The following PAN3 variants were observed in gnomAD, a reference collection of about 807,000 sequenced individuals.
PAN3 encodes the protein PAN2-PAN3 deadenylation complex subunit PAN3.
A neutral mutation model predicts 96.2 loss-of-function variants in PAN3; 19 were observed. The observed-to-expected ratio is 0.20, with a 90% CI of 0.14 to 0.29. PAN3 has a LOEUF of 0.29. Ranked by LOEUF, PAN3 falls within the 10% of genes least tolerant of loss-of-function variation. PAN3 has a pLI of 1.00. For synonymous variants in PAN3, 433 were observed against 406.6 expected, an observed-to-expected ratio of 1.06 and a Z score of -0.78; for missense variants, 882 against 1,108.1, an observed-to-expected ratio of 0.80 and a Z score of 2.90.
chr13:28,257,425 A>G (rs1885230746), intron 7 of PAN3, among the ~76,000 whole-genome samples: 1 of 151,692 alleles, frequency 6.6e-6, no homozygotes, highest in Non-Finnish European at 1.5e-5. Flanking sequence ...GTCAGAGTCC[A>G]CTAAAACAGG....
chr13:28,265,527 C>T (rs1355332277), intron 9 of PAN3, among the ~76,000 whole-genome samples: 1 of 152,108 alleles, frequency 6.6e-6, no homozygotes, highest in African/African-American at 2.4e-5. Flanking sequence ...TCCTTATTAT[C>T]CTCATTTATG....
At chr13:28,276,058 A>C (rs1887030484) in intron 14 of PAN3, among the ~76,000 whole-genome samples, 1 of 152,156 alleles carries the variant, frequency 6.6e-6, no homozygotes, top group Non-Finnish European at 1.5e-5. Flanking sequence ...TAAAGTTACA[A>C]ATATTCCAAC....
chr13:28,152,068 G>C (rs570109265), intron 1 of PAN3, among the ~76,000 whole-genome samples: 2 of 152,058 alleles, frequency 1.3e-5, no homozygotes, highest in Non-Finnish European at 2.9e-5. Flanking sequence ...CTTTTTCTTA[G>C]GAGAAAGAAA....
chr13:28,227,017 T>C (rs1009362350), intron 6 of PAN3, among the ~76,000 whole-genome samples: 2 of 152,198 alleles, frequency 1.3e-5, no homozygotes, highest in East Asian at 3.8e-4. Context: ...AATTGCCCTG[T>C]AATGAGGAGC....
intron 5 of PAN3, among the ~76,000 whole-genome samples, chr13:28,209,725 C>T (rs1305550205): frequency 3.3e-5 from 5 of 152,028 alleles, no homozygotes; most frequent in Non-Finnish European, 7.4e-5. Context: ...GCTTATTCTT[C>T]TCCCGTCTCC....
At chr13:28,182,262 G>A (rs1267640401) in intron 4 of PAN3, among the ~76,000 whole-genome samples, 4 of 152,174 alleles carry the variant, frequency 2.6e-5, no homozygotes, top group Non-Finnish European at 1.5e-5. Flanking sequence ...CAAATCCCAG[G>A]CAAAATGAGA....
chr13:28,189,511 C>T (rs932246932), intron 4 of PAN3, among the ~76,000 whole-genome samples: 5 of 148,916 alleles, frequency 3.4e-5, no homozygotes, highest in African/African-American at 5.0e-5. Flanking sequence ...AGTGAGACCC[C>T]GTCTCAAAAC....
intron 5 of PAN3, chr13:28,215,038 G>A (rs1455614329): frequency 8.8e-7 from 1 of 1,142,286 alleles, no homozygotes; most frequent in African/African-American, 1.5e-5. Flanking sequence ...AAGGAAGTCA[G>A]CACTTATATT....
intron 7 of PAN3, among the ~76,000 whole-genome samples, chr13:28,257,696 ATAT>A (rs1256890864): frequency 1.4e-5 from 2 of 140,016 alleles, no homozygotes; most frequent in South Asian, 2.1e-4. Flanking sequence ...ATATAAATAT[ATAT>A]TATATATATT....
chr13:28,151,957 T>G (rs1029301528), intron 1 of PAN3, among the ~76,000 whole-genome samples: 1 of 152,216 alleles, frequency 6.6e-6, no homozygotes, highest in Non-Finnish European at 1.5e-5. Flanking sequence ...CAGTGTATAC[T>G]TGGCATTTAA....
At chr13:28,274,259 T>C (rs1886876214) in intron 14 of PAN3, among the ~76,000 whole-genome samples, 1 of 152,188 alleles carries the variant, frequency 6.6e-6, no homozygotes, top group African/African-American at 2.4e-5. Flanking sequence ...TTAGCTACTT[T>C]CATTCTTATC....
chr13:28,239,755 T>TA, intron 6 of PAN3: 1 of 1,016,286 alleles, frequency 9.8e-7, no homozygotes, highest in South Asian at 1.3e-5. Context: ...CCCCTAATCA[T>TA]AAGGGGTTGC....
intron 4 of PAN3, among the ~76,000 whole-genome samples, chr13:28,194,475 T>A (rs1312620073): frequency 9.5e-4 from 136 of 143,086 alleles, no homozygotes; most frequent in African/African-American, 3.4e-3. Context: ...TATTTTTTTT[T>A]TTTTTTTTTT....
intron 7 of PAN3, among the ~76,000 whole-genome samples, chr13:28,257,774 TA>T (rs1885327613): frequency 2.1e-5 from 3 of 140,090 alleles, no homozygotes; most frequent in Non-Finnish European, 4.5e-5. Context: ...ATATTATATA[TA>T]AATTATATAT....
chr13:28,199,858 A>C (rs1159405786), intron 5 of PAN3, among the ~76,000 whole-genome samples: 1 of 152,094 alleles, frequency 6.6e-6, no homozygotes, highest in Non-Finnish European at 1.5e-5. Context: ...GTTTCCTTAA[A>C]TCTTAGGTCC....
intron 1 of PAN3, among the ~76,000 whole-genome samples, chr13:28,152,105 A>G (rs1050766635): frequency 2.6e-5 from 4 of 152,198 alleles, no homozygotes; most frequent in Admixed American, 6.6e-5. Context: ...TTTGGGTTCT[A>G]CATATGTGCC....
intron 6 of PAN3, among the ~76,000 whole-genome samples, chr13:28,231,807 C>T (rs886718189): frequency 1.3e-5 from 2 of 152,036 alleles, no homozygotes; most frequent in South Asian, 2.1e-4. Context: ...GAGCTTGAGG[C>T]GGGAGGATTG....
Position 28,293,832 on chromosome 13 carries a change from A to G in PAN3, c.*1310A>G, listed in dbSNP as rs1319997976. 1.3e-5 allele frequency: 2 copies of G among 152,616 alleles called. No homozygotes were observed. Among genetic ancestry groups the G allele is most frequent in the Non-Finnish European group, 2.9e-5 (2 of 68,036 alleles). 9.5% of individuals were successfully genotyped at this position (152,616 alleles called of 1,614,324 possible). A position where few individuals can be genotyped will look rare whatever the true frequency, so the allele number is the denominator to read the frequency against. ...ACATAGGAATTTTCTTTCTTAAAAAACAGTAATGAAGACTATATCTCCTTT... is the reference window on the plus strand; with the variant it reads ...ACATAGGAATTTTCTTTCTTAAAAAGCAGTAATGAAGACTATATCTCCTTT... On this transcript the variant is annotated 3_prime_UTR_variant, in exon 19 of 19. Coordinates refer to ENST00000380958, the MANE Select transcript of PAN3 (RefSeq NM_175854.8).
intron 1 of PAN3, among the ~76,000 whole-genome samples, chr13:28,151,194 A>G (rs991292433): frequency 3.9e-5 from 6 of 152,094 alleles, no homozygotes; most frequent in Admixed American, 3.3e-4. Flanking sequence ...TTTTGTGTCA[A>G]AAGGAGTGAT....
Sources: allele counts gnomAD v4.1 joint callset (sites outside exome capture counted in the v4.1 genomes callset), GRCh38; gene constraint gnomAD v4.1.1; transcripts MANE v1.5; gene names NCBI Gene and HGNC (gene_info 2026-07-23, HGNC 2026-07-21).